The following HOOK1 variants were observed in gnomAD, a reference collection of about 807,000 sequenced individuals.
HOOK1 encodes protein Hook homolog 1.
Under a neutral mutation model 112.8 loss-of-function variants are expected in HOOK1, and 60 were observed. That is an observed-to-expected ratio of 0.53 (90% CI 0.43 to 0.66). The LOEUF (loss-of-function observed/expected upper bound fraction) is 0.66. Among genes scored for constraint, HOOK1 ranks in the 30% least tolerant of loss-of-function variants. The probability of loss-of-function intolerance (pLI) is 0.00; values close to 1 mark genes in which losing one functional copy is unlikely to be tolerated. For missense variants in HOOK1, 770 were observed against 856.0 expected (o/e 0.90, Z 1.25); for synonymous variants, 294 against 283.8 (o/e 1.04, Z -0.36).
At position 59,829,267 on chromosome 1, in the gene HOOK1, A is replaced by C. The variant is rs373176535; in HGVS notation, c.222+415A>C. Among the ~76,000 whole-genome samples, 11 of 152,184 alleles carry C rather than the reference A, an allele frequency of 7.2e-5. No homozygotes were observed. In the East Asian group the frequency reaches 2.1e-3, roughly 29 times the overall value. The stretch of plus-strand genomic sequence containing the variant: ...TTCTTTTTTTGCTAAGCAGTATTTC[A>C]TTAGACTGATATTTTGTGGTTTGTT... On this transcript the variant is annotated intron_variant, in intron 3 of 21. Coordinates refer to ENST00000371208, the MANE Select transcript of HOOK1 (RefSeq NM_015888.6).
intron 9 of HOOK1, among the ~76,000 whole-genome samples, chr1:59,846,592 T>TCCCTCCTC (rs374267510): frequency 2.3e-5 from 1 of 43,344 alleles, no homozygotes; most frequent in Admixed American, 2.6e-4. Context: ...CCTTCCTCCC[T>TCCCTCCTC]CCTCCCTCCC....
At chr1:59,858,552 G>A (rs1442406226) in intron 13 of HOOK1, 37 bp downstream of exon 13, 2 of 1,335,494 alleles carry the variant, frequency 1.5e-6, no homozygotes, top group South Asian at 1.2e-5. Flanking sequence ...TTCAGCCTGG[G>A]CAGCATAGTG....
At chr1:59,864,752 C>T (rs1330408462) in intron 17 of HOOK1, 86 bp downstream of exon 17, 1 of 861,876 alleles carries the variant, frequency 1.2e-6, no homozygotes, top group Non-Finnish European at 1.9e-6. Context: ...CGGATTTTGT[C>T]TAGAAAAGCA....
At chr1:59,840,121 G>A (rs905599389) in intron 7 of HOOK1, among the ~76,000 whole-genome samples, 187 bp from the exon 8 acceptor site, 4 of 152,268 alleles carry the variant, frequency 2.6e-5, no homozygotes, top group East Asian at 1.9e-4. Flanking sequence ...TCACATCGAT[G>A]TTCATCAGGG....
chr1:59,824,302 G>T (rs921579235), intron 2 of HOOK1, among the ~76,000 whole-genome samples: 7 of 151,880 alleles, frequency 4.6e-5, no homozygotes, highest in African/African-American at 1.7e-4. Context: ...CCGCCTACCG[G>T]GTTCAAGTGA....
chr1:59,836,796 C>A, intron 6 of HOOK1, 77 bp from the exon 7 acceptor site: 2 of 832,236 alleles, frequency 2.4e-6, no homozygotes, highest in Non-Finnish European at 3.8e-6. Context: ...AATCATTTTA[C>A]TATCCTTTCA....
chr1:59,824,003 A>C (rs1442441149), intron 2 of HOOK1, among the ~76,000 whole-genome samples: 1 of 152,060 alleles, frequency 6.6e-6, no homozygotes, highest in Non-Finnish European at 1.5e-5. Flanking sequence ...TAGGTGTCTG[A>C]GCCTCCTTAT....
At chr1:59,823,897 A>G (rs1242956823) in intron 2 of HOOK1, among the ~76,000 whole-genome samples, 1 of 152,248 alleles carries the variant, frequency 6.6e-6, no homozygotes, top group Non-Finnish European at 1.5e-5. Flanking sequence ...CTCTGTCACC[A>G]TTAACAAATG....
intron 11 of HOOK1, 63 bp downstream of exon 11, chr1:59,848,579 G>A: frequency 8.8e-7 from 1 of 1,141,658 alleles, no homozygotes; most frequent in Non-Finnish European, 1.3e-6. Context: ...TATTCCTTTT[G>A]ATGTCTTAAG....
intron 12 of HOOK1, among the ~76,000 whole-genome samples, chr1:59,854,166 G>A (rs1035801007): frequency 5.0e-4 from 73 of 145,192 alleles, no homozygotes; most frequent in African/African-American, 1.5e-3. Flanking sequence ...ACTCTCCTGC[G>A]TGAGCCTCCT....
chr1:59,831,522 TC>T (rs1300262745), intron 3 of HOOK1, among the ~76,000 whole-genome samples: 2 of 152,076 alleles, frequency 1.3e-5, no homozygotes, highest in Non-Finnish European at 2.9e-5. Flanking sequence ...AGCCAAAGAG[TC>T]AAAGGAACCA....
intron 11 of HOOK1, among the ~76,000 whole-genome samples, chr1:59,848,842 T>G (rs1002424772): frequency 6.6e-6 from 1 of 151,094 alleles, no homozygotes; most frequent in Admixed American, 6.7e-5. Flanking sequence ...CTAAATAGCA[T>G]TAGTAGGCTG....
chr1:59,824,282 A>T (rs2098388221), intron 2 of HOOK1, among the ~76,000 whole-genome samples: 1 of 150,250 alleles, frequency 6.7e-6, no homozygotes, highest in Admixed American at 6.7e-5. Context: ...ATCACGGCCC[A>T]CTGCAACCTC....
chr1:59,847,968 G>A (rs1185549934), intron 10 of HOOK1, among the ~76,000 whole-genome samples: 1 of 151,690 alleles, frequency 6.6e-6, no homozygotes, highest in Non-Finnish European at 1.5e-5. Flanking sequence ...ACAAAGGAAG[G>A]TTGGCCTGTA....
intron 12 of HOOK1, among the ~76,000 whole-genome samples, chr1:59,856,989 C>A (rs2098411091): frequency 6.6e-6 from 1 of 152,134 alleles, no homozygotes; most frequent in African/African-American, 2.4e-5. Context: ...CATCTTATTT[C>A]TCAGATCTTT....
rs559993849 is a variant in HOOK1 at position 59,871,745 on chromosome 1, T to G, written c.2016+635T>G. Reference sequence around the variant, plus strand: ...AGCCAGAATAGGCTATTATCTACTTTTATCTCTTATTTATACAAAGGCATA... The same window carrying G: ...AGCCAGAATAGGCTATTATCTACTTGTATCTCTTATTTATACAAAGGCATA... On this transcript the variant is annotated intron_variant, in intron 21 of 21. Transcript: ENST00000371208. Among the ~76,000 whole-genome samples, 12 of 152,346 alleles carry G rather than the reference T, an allele frequency of 7.9e-5. No individual in the cohort carries two copies. The South Asian group carries it at 2.3e-3, about 29-fold the overall frequency.
intron 7 of HOOK1, 68 bp from the exon 8 acceptor site, chr1:59,840,240 A>G (rs1352381113): frequency 7.8e-6 from 8 of 1,022,376 alleles, no homozygotes; most frequent in Non-Finnish European, 1.1e-5. Context: ...AGAAGAGTAT[A>G]TTTTTCTATT....
At chr1:59,842,180 G>C (rs2098401369) in intron 8 of HOOK1, among the ~76,000 whole-genome samples, 1 of 151,586 alleles carries the variant, frequency 6.6e-6, no homozygotes. Flanking sequence ...GTCATTTTTT[G>C]ACAGCCCCTA....
At position 59,866,763 on chromosome 1, in the gene HOOK1, A is replaced by G. The variant is rs1643975386; in HGVS notation, c.1845+791A>G. 2.0e-5 allele frequency among the ~76,000 whole-genome samples: 3 copies of G among 152,358 alleles called. No individual in the cohort carries two copies. The South Asian group carries it at 6.2e-4, about 32-fold the overall frequency. On this transcript the variant is annotated intron_variant, in intron 19 of 21. Coordinates refer to ENST00000371208, the MANE Select transcript of HOOK1 (RefSeq NM_015888.6). ...TTTGCAAAAGTAAAATAATGCCTAC[A>G]TAATACTTAGTTGTGTGGGATATAA...
Sources: gnomAD v4.1 joint callset for allele counts (sites outside exome capture counted in the v4.1 genomes callset) on GRCh38, gnomAD v4.1.1 for gene constraint, MANE v1.5 for transcripts, NCBI Gene and HGNC (gene_info 2026-07-23, HGNC 2026-07-21) for gene names.